The following CSMD1 variants were observed in gnomAD, a reference collection of about 807,000 sequenced individuals.
The protein encoded by CSMD1 is CUB and Sushi multiple domains 1, also known as CUB and sushi domain-containing protein 1.
CSMD1 carries 213 observed loss-of-function variants against 417.5 expected under a neutral mutation model. The ratio of observed to expected loss-of-function variants is 0.51; its 90% CI spans 0.46 to 0.57. The LOEUF (loss-of-function observed/expected upper bound fraction) is 0.57, where lower values mean the gene tolerates loss of function less well. Among genes scored for constraint, CSMD1 ranks in the 20% least tolerant of loss-of-function variants. The pLI, the probability that CSMD1 is intolerant of heterozygous loss-of-function variation, is 0.00. For missense variants in CSMD1, 6,923 were observed against 4,529.7 expected (o/e 1.53, Z -15.17); for synonymous variants, 2,862 against 1,736.8 (o/e 1.65, Z -16.11).
chr8:4,355,954 T>A (rs899442587), intron 3 of CSMD1, among the ~76,000 whole-genome samples: 2 of 152,178 alleles, frequency 1.3e-5, no homozygotes, highest in African/African-American at 4.8e-5. Flanking sequence ...GAATTGCATT[T>A]TTTTATGGAT....
intron 10 of CSMD1, among the ~76,000 whole-genome samples, chr8:3,554,003 T>G (rs73176990): frequency 0.13 from 19,396 of 152,188 alleles, 1,448 homozygotes; most frequent in African/African-American, 0.2. Flanking sequence ...TCTCTAGGAC[T>G]GATTTTATTT....
At chr8:3,270,073 G>A (rs1222464335) in intron 26 of CSMD1, among the ~76,000 whole-genome samples, 1 of 109,634 alleles carries the variant, frequency 9.1e-6, no homozygotes, top group East Asian at 2.3e-4. Flanking sequence ...TTTTTGAGAT[G>A]GAGTCTTGCT....
chr8:3,346,620 G>T (rs868412330), intron 22 of CSMD1, among the ~76,000 whole-genome samples: 1 of 152,132 alleles, frequency 6.6e-6, no homozygotes, highest in Non-Finnish European at 1.5e-5. Context: ...AGGAAGTAAG[G>T]CCCTTTAATC....
intron 3 of CSMD1, among the ~76,000 whole-genome samples, chr8:4,033,650 C>A (rs1323703943): frequency 1.3e-5 from 2 of 152,180 alleles, no homozygotes; most frequent in African/African-American, 4.8e-5. Context: ...AGGGCTGCGT[C>A]ATGGGCCACT....
At chr8:3,640,463 G>A (rs1226014552) in intron 7 of CSMD1, among the ~76,000 whole-genome samples, 1 of 152,156 alleles carries the variant, frequency 6.6e-6, no homozygotes, top group African/African-American at 2.4e-5. Flanking sequence ...CTCAACTCTG[G>A]AAATAGTTGC....
At chr8:3,260,495 C>A (rs1585835860) in intron 26 of CSMD1, among the ~76,000 whole-genome samples, 1 of 152,072 alleles carries the variant, frequency 6.6e-6, no homozygotes, top group Non-Finnish European at 1.5e-5. Flanking sequence ...CAAGAACGTT[C>A]CACCTAATTA....
intron 5 of CSMD1, among the ~76,000 whole-genome samples, chr8:3,917,382 C>A (rs1296744987): frequency 6.6e-6 from 1 of 150,842 alleles, no homozygotes; most frequent in African/African-American, 2.5e-5. Context: ...GCACTGCTTC[C>A]CTCTACAGGA....
At chr8:3,825,853 G>C (rs1165380493) in intron 5 of CSMD1, among the ~76,000 whole-genome samples, 2 of 152,170 alleles carry the variant, frequency 1.3e-5, no homozygotes, top group Non-Finnish European at 2.9e-5. Flanking sequence ...GACATATAGA[G>C]ACGCATTGTA....
chr8:3,757,963 C>T (rs1797757375), intron 5 of CSMD1, among the ~76,000 whole-genome samples: 1 of 152,058 alleles, frequency 6.6e-6, no homozygotes, highest in African/African-American at 2.4e-5. Flanking sequence ...TGCGTAAGTC[C>T]TGCACAAATT....
intron 42 of CSMD1, among the ~76,000 whole-genome samples, chr8:3,113,611 C>T (rs1355388349): frequency 6.6e-6 from 1 of 152,238 alleles, no homozygotes; most frequent in African/African-American, 2.4e-5. Flanking sequence ...CCCACAACGC[C>T]ACTCTCTATC....
chr8:4,614,711 A>G (rs1378256925), intron 2 of CSMD1, among the ~76,000 whole-genome samples: 1 of 152,160 alleles, frequency 6.6e-6, no homozygotes, highest in Admixed American at 6.6e-5. Flanking sequence ...TCATGGAACG[A>G]ACACTTCCTT....
intron 3 of CSMD1, among the ~76,000 whole-genome samples, chr8:4,126,678 T>A (rs1355685903): frequency 6.6e-6 from 1 of 152,196 alleles, no homozygotes; most frequent in East Asian, 1.9e-4. Context: ...TCTGAGGGTT[T>A]ATTAATCATT....
chr8:4,949,061 T>C (rs1808559312), intron 1 of CSMD1, among the ~76,000 whole-genome samples: 1 of 152,156 alleles, frequency 6.6e-6, no homozygotes, highest in Admixed American at 6.6e-5. Flanking sequence ...AAATGCCTTT[T>C]TGGCTTCTGT....
At chr8:4,351,357 T>C (rs1801081247) in intron 3 of CSMD1, among the ~76,000 whole-genome samples, 1 of 152,236 alleles carries the variant, frequency 6.6e-6, no homozygotes, top group East Asian at 1.9e-4. Context: ...TTGAGGCATC[T>C]CCTTATTCGT....
chr8:3,265,433 T>A (rs1048634137), intron 26 of CSMD1, among the ~76,000 whole-genome samples: 5 of 152,184 alleles, frequency 3.3e-5, no homozygotes, highest in Admixed American at 6.6e-5. Context: ...TGGGTCGTTA[T>A]TTACTCTCAG....
intron 1 of CSMD1, among the ~76,000 whole-genome samples, chr8:4,800,738 C>T (rs529405232): frequency 1.3e-5 from 2 of 152,298 alleles, no homozygotes; most frequent in African/African-American, 4.8e-5. Flanking sequence ...CTTAAGGCCT[C>T]TGGCCACTTT....
At chr8:2,954,930 C>G (rs925163434) in intron 64 of CSMD1, among the ~76,000 whole-genome samples, 1 of 152,158 alleles carries the variant, frequency 6.6e-6, no homozygotes, top group Non-Finnish European at 1.5e-5. Flanking sequence ...CTGTCTCACA[C>G]GCCATCATTT....
intron 52 of CSMD1, 100 bp downstream of exon 52, chr8:3,018,377 T>A: frequency 9.2e-7 from 1 of 1,090,186 alleles, no homozygotes; most frequent in Non-Finnish European, 1.3e-6. Context: ...CCAGGTAGGA[T>A]TTAAGGCATT....
intron 26 of CSMD1, among the ~76,000 whole-genome samples, chr8:3,282,501 C>T (rs1241099084): frequency 6.6e-6 from 1 of 152,130 alleles, no homozygotes; most frequent in Non-Finnish European, 1.5e-5. Flanking sequence ...ATTCTACCAT[C>T]TGCTCTTGCC....
Sources: gnomAD v4.1 joint callset for allele counts (sites outside exome capture counted in the v4.1 genomes callset) on GRCh38, gnomAD v4.1.1 for gene constraint, MANE v1.5 for transcripts, NCBI Gene and HGNC (gene_info 2026-07-23, HGNC 2026-07-21) for gene names.